MAPK9: variants seen among roughly 807,000 people sequenced by gnomAD.
The protein encoded by MAPK9 is Jun kinase.
In MAPK9, 30 loss-of-function variants were observed where a neutral mutation model predicts 57.1. The ratio of observed to expected loss-of-function variants is 0.53; its 90% CI spans 0.39 to 0.71. The LOEUF (loss-of-function observed/expected upper bound fraction) is 0.71, where lower values mean the gene tolerates loss of function less well. Among genes scored for constraint, MAPK9 ranks in the 30% least tolerant of loss-of-function variants. MAPK9 has a pLI of 0.00. For synonymous variants in MAPK9, 155 were observed against 177.0 expected (o/e 0.88, Z 0.99); for missense variants, 362 against 521.0 (o/e 0.69, Z 2.97).
At chr5:180,255,989 G>A (rs1408267005) in intron 5 of MAPK9, among the ~76,000 whole-genome samples, 1 of 152,162 alleles carries the variant, frequency 6.6e-6, no homozygotes, top group African/African-American at 2.4e-5. Flanking sequence ...TTAGGAAGTT[G>A]CTACGCAGTT....
At chr5:180,248,708 G>A (rs1325346881) in intron 6 of MAPK9, among the ~76,000 whole-genome samples, 1 of 152,188 alleles carries the variant, frequency 6.6e-6, no homozygotes, top group African/African-American at 2.4e-5. Flanking sequence ...GCACACTCAG[G>A]ATTTGCACAC....
At chr5:180,251,034 T>A (rs965088742) in intron 5 of MAPK9, among the ~76,000 whole-genome samples, 1 of 152,148 alleles carries the variant, frequency 6.6e-6, no homozygotes, top group Non-Finnish European at 1.5e-5. Context: ...TACTAACAGA[T>A]AAAATAATGC....
intron 1 of MAPK9, among the ~76,000 whole-genome samples, chr5:180,284,783 A>G (rs1286695886): frequency 6.6e-6 from 1 of 152,228 alleles, no homozygotes; most frequent in Admixed American, 6.5e-5. Flanking sequence ...GCACAGAAGT[A>G]CAACAAGGCC....
At chr5:180,248,343 G>T (rs958434302) in intron 6 of MAPK9, among the ~76,000 whole-genome samples, 9 of 152,250 alleles carry the variant, frequency 5.9e-5, no homozygotes, top group Non-Finnish European at 1.3e-4. Context: ...CTACAACGCA[G>T]CAAGATGAAC....
chr5:180,267,965 C>A (rs946919087), intron 3 of MAPK9, among the ~76,000 whole-genome samples: 1 of 152,172 alleles, frequency 6.6e-6, no homozygotes, highest in Non-Finnish European at 1.5e-5. Context: ...CGGGTTCATG[C>A]CATTCTCCCA....
intron 5 of MAPK9, among the ~76,000 whole-genome samples, chr5:180,260,015 T>A (rs1759755900): frequency 6.6e-6 from 1 of 152,232 alleles, no homozygotes; most frequent in Admixed American, 6.5e-5. Flanking sequence ...ATGAGGAATG[T>A]GATGATGCCT....
At chr5:180,264,614 T>C (rs1488874939) in intron 4 of MAPK9, among the ~76,000 whole-genome samples, 167 bp downstream of exon 4, 1 of 152,230 alleles carries the variant, frequency 6.6e-6, no homozygotes, top group Non-Finnish European at 1.5e-5. Flanking sequence ...AATAATTAAA[T>C]ATAACTATCA....
intron 1 of MAPK9, among the ~76,000 whole-genome samples, chr5:180,283,250 A>G (rs1762469284): frequency 6.6e-6 from 1 of 152,208 alleles, no homozygotes; most frequent in Non-Finnish European, 1.5e-5. Context: ...GTTCTGACTA[A>G]TAAGATGTGG....
chr5:180,236,288 G>T lies in MAPK9; in HGVS notation c.*96C>A. 7.5e-7 allele frequency: 1 copy of T among 1,338,622 alleles called. No homozygotes were observed. Among genetic ancestry groups the T allele is most frequent in the Non-Finnish European group, 1.0e-6 (1 of 988,136 alleles). 82.9% of individuals were successfully genotyped at this position (1,338,622 alleles called of 1,614,324 possible). On this transcript the variant is annotated 3_prime_UTR_variant, in exon 12 of 12. Transcript: ENST00000452135. ...ATTGTGTTTCTTACATGCAGAACATGGAGTTTTTCTATTTGGTTCCATCAA... is the reference window on the plus strand; with the variant it reads ...ATTGTGTTTCTTACATGCAGAACATTGAGTTTTTCTATTTGGTTCCATCAA...
At position 180,238,359 on chromosome 5, in the gene MAPK9, T is replaced by G. The variant is rs879278946; in HGVS notation, c.1105A>C (p.Asn369His). 6.2e-7 allele frequency: 1 copy of G among 1,612,754 alleles called. No homozygotes were observed. Among genetic ancestry groups the G allele is most frequent in the Admixed American group, 1.7e-5 (1 of 60,022 alleles). ...GAAGGCTGATCTTTTACAACACCAT[T>G]CTTGCTTCTTTCTTCCCAATCCATG... is the stretch of plus-strand genomic sequence containing the variant. ...EVMDWEERSK[N>H]GVVKDQPSDA... The change falls in exon 11 of 12, where the codon AAT becomes CAT. Residue 369 changes from asparagine to histidine, a missense_variant. Asn to His is a moderately conservative substitution (Grantham distance 68). Transcript: ENST00000452135.
chr5:180,249,145 A>C lies in MAPK9; in HGVS notation c.451-7T>G. 4 of 1,602,488 alleles carry C rather than the reference A, an allele frequency of 2.5e-6. No individual in the cohort carries two copies. The highest frequency in any genetic ancestry group is 2.6e-6 in the Non-Finnish European group (3 of 1,174,524). On this transcript the variant is annotated splice_polypyrimidine_tract_variant and splice_region_variant and intron_variant, in intron 5 of 11. Coordinates refer to ENST00000452135, the MANE Select transcript of MAPK9 (RefSeq NM_002752.5). ...TGTTGCTAGGCTTCAAATCCTAGGA[A>C]AGAAATGGCTTAAATTAGTAAAATG...
intron 1 of MAPK9, among the ~76,000 whole-genome samples, chr5:180,283,621 T>C (rs1762493765): frequency 6.6e-6 from 1 of 152,260 alleles, no homozygotes; most frequent in African/African-American, 2.4e-5. Flanking sequence ...TATTAGGTTT[T>C]AGAATTGTAA....
intron 2 of MAPK9, among the ~76,000 whole-genome samples, chr5:180,278,618 G>A (rs1301386060): frequency 1.3e-5 from 2 of 152,130 alleles, no homozygotes; most frequent in African/African-American, 2.4e-5. Flanking sequence ...AGAACTGCTT[G>A]AACCCAGGAG....
intron 5 of MAPK9, among the ~76,000 whole-genome samples, chr5:180,256,626 A>T (rs1302397131): frequency 1.3e-5 from 2 of 152,124 alleles, no homozygotes; most frequent in Admixed American, 1.3e-4. Flanking sequence ...GGAGGCAGGG[A>T]TGGCAACAGG....
At chr5:180,267,517 G>T (rs745467715) in intron 3 of MAPK9, among the ~76,000 whole-genome samples, 2 of 145,386 alleles carry the variant, frequency 1.4e-5, no homozygotes, top group Non-Finnish European at 3.0e-5. Flanking sequence ...AGCTGAGATC[G>T]CGCCACTGCC....
At chr5:180,273,793 C>T (rs1463983455) in intron 2 of MAPK9, among the ~76,000 whole-genome samples, 1 of 152,212 alleles carries the variant, frequency 6.6e-6, no homozygotes, top group African/African-American at 2.4e-5. Context: ...CAGAAGCCCA[C>T]ACATGCATGA....
chr5:180,272,564 T>C (rs1303111620), intron 2 of MAPK9, among the ~76,000 whole-genome samples: 1 of 152,220 alleles, frequency 6.6e-6, no homozygotes, highest in East Asian at 1.9e-4. Flanking sequence ...CTTTCTTGCT[T>C]TACCAGCTAA....
intron 1 of MAPK9, among the ~76,000 whole-genome samples, chr5:180,288,208 T>G (rs759193446): frequency 1.3e-5 from 2 of 152,170 alleles, no homozygotes; most frequent in Admixed American, 6.5e-5. Context: ...AGAAACACAT[T>G]CAATTACACT....
At chr5:180,288,043 T>C (rs530693139) in intron 1 of MAPK9, among the ~76,000 whole-genome samples, 4 of 152,268 alleles carry the variant, frequency 2.6e-5, no homozygotes, top group African/African-American at 7.2e-5. Context: ...CAGCAAGCGA[T>C]TGCACTCATC....
Sources: allele counts gnomAD v4.1 joint callset (sites outside exome capture counted in the v4.1 genomes callset), GRCh38; gene constraint gnomAD v4.1.1; transcripts MANE v1.5; gene names NCBI Gene and HGNC (gene_info 2026-07-23, HGNC 2026-07-21).